Variants in PRKACB observed in about 807,000 individuals in gnomAD.
PRKACB encodes the protein cAMP-dependent protein kinase catalytic subunit beta.
PRKACB carries 16 observed loss-of-function variants against 51.4 expected under a neutral mutation model. That is an observed-to-expected ratio of 0.31 (90% CI 0.21 to 0.47). PRKACB has a LOEUF of 0.47. Ranked by LOEUF, PRKACB falls within the 20% of genes least tolerant of loss-of-function variation. The pLI, the probability that PRKACB is intolerant of heterozygous loss-of-function variation, is 1.00. For missense variants in PRKACB, 309 were observed against 464.5 expected, an observed-to-expected ratio of 0.67 and a Z score of 3.08; for synonymous variants, 147 against 154.4, an observed-to-expected ratio of 0.95 and a Z score of 0.35.
chr1:84,104,293 C>T (rs1649565721), intron 1 of PRKACB, among the ~76,000 whole-genome samples: 1 of 152,092 alleles, frequency 6.6e-6, no homozygotes, highest in South Asian at 2.1e-4. Context: ...TCCATGTTGC[C>T]ACAAATAACA....
At position 84,144,305 on chromosome 1, in the gene PRKACB, G is replaced by A; in HGVS notation, c.-57G>A. The A allele has an allele frequency of 6.3e-7, 1 of 1,585,940 alleles. No homozygotes were observed. Reference sequence around the variant, plus strand: ...GCTCTTAGCTTCTGTGTAAGAAGTTGTGAGCTCCTTCTGGAAACATTTGCA... The same window carrying A: ...GCTCTTAGCTTCTGTGTAAGAAGTTATGAGCTCCTTCTGGAAACATTTGCA... On this transcript the variant is annotated 5_prime_UTR_variant, in exon 1 of 10. In the 5' UTR this introduces an upstream ATG that the reference lacks. Transcript: ENST00000370685.
intron 1 of PRKACB, among the ~76,000 whole-genome samples, chr1:84,085,484 T>A (rs1342472051): frequency 6.6e-6 from 1 of 152,204 alleles, no homozygotes; most frequent in Non-Finnish European, 1.5e-5. Flanking sequence ...AGCTTTATAA[T>A]CCAATGCTTC....
At chr1:84,215,951 A>G (rs1672820085) in intron 9 of PRKACB, among the ~76,000 whole-genome samples, 1 of 152,112 alleles carries the variant, frequency 6.6e-6, no homozygotes, top group Non-Finnish European at 1.5e-5. Context: ...GTGCAACTAC[A>G]TGATTGAGTT....
At chr1:84,131,558 C>G (rs184102637) in intron 1 of PRKACB, among the ~76,000 whole-genome samples, 2 of 152,210 alleles carry the variant, frequency 1.3e-5, no homozygotes, top group Non-Finnish European at 2.9e-5. Flanking sequence ...CTAGAATCTA[C>G]CACTAGCATT....
rs905575496 is a variant in PRKACB, at chr1:84,112,225, C to CTTTTT, written c.46+33871_46+33875dup. Among the ~76,000 whole-genome samples, 1,111 of 119,878 alleles carry CTTTTT rather than the reference C, an allele frequency of 9.3e-3. 1 individual carries two copies. Among genetic ancestry groups the CTTTTT allele is most frequent in the East Asian group, 0.013 (51 of 4,012 alleles). The allele number at this position is 119,878 out of a possible 152,430, so 78.6% of individuals were successfully genotyped here. ...GATGGTGTCCTAAGTTGGACTGCTTCTTTTTTTTTTTTTTTTTTTTTGTTT... is the reference window on the plus strand; with the variant it reads ...GATGGTGTCCTAAGTTGGACTGCTTCTTTTTTTTTTTTTTTTTTTTTTTTTTGTTT... On this transcript the variant is annotated intron_variant, in intron 1 of 8. Transcript: ENST00000370688.
intron 7 of PRKACB, among the ~76,000 whole-genome samples, chr1:84,199,115 G>GCATATATATATATATATATA (rs1558242540): frequency 1.4e-4 from 13 of 96,006 alleles, no homozygotes; most frequent in Admixed American, 8.4e-4. Flanking sequence ...GTATATATAT[G>GCATATATATATATATATATA]CATATATATA....
In PRKACB at chr1:84,178,373, T is replaced by C. The variant is rs1662059644; in HGVS notation, c.188-804T>C. ...AAACATCTGAAGTTGTTTTCTAAGATAGCTTTTGAAAATGGGGAAAGTTTT... is the reference window on the plus strand; with the variant it reads ...AAACATCTGAAGTTGTTTTCTAAGACAGCTTTTGAAAATGGGGAAAGTTTT... On this transcript the variant is annotated intron_variant, in intron 1 of 9. Transcript: ENST00000370685. Among the ~76,000 whole-genome samples, 3 of 152,170 alleles carry C rather than the reference T, an allele frequency of 2.0e-5. No individual in the cohort carries two copies. In the South Asian group the frequency reaches 6.2e-4, roughly 32 times the overall value.
chr1:84,164,897 AGT>A (rs985998417), intron 1 of PRKACB: 818 of 1,476,118 alleles, frequency 5.5e-4, no homozygotes, highest in Non-Finnish European at 5.6e-4. Flanking sequence ...TGCATGCTCC[AGT>A]GTGTGTGTTT....
At chr1:84,135,657 A>G (rs576056811) in intron 1 of PRKACB, among the ~76,000 whole-genome samples, 114 of 152,276 alleles carry the variant, frequency 7.5e-4, no homozygotes, top group Non-Finnish European at 1.5e-3. Flanking sequence ...ACATATTTCT[A>G]AATAACACAT....
intron 8 of PRKACB, chr1:84,204,819 G>C (rs945798879): frequency 2.1e-5 from 20 of 958,004 alleles, no homozygotes; most frequent in Non-Finnish European, 2.3e-5. Context: ...CATTTATTAA[G>C]AAAAACTGCT....
rs144867427 is a variant in PRKACB, at chr1:84,164,071, A to G, written c.188-15106A>G. ...TTCTTTTGAATACCACATGGATGGC[A>G]TCTGACACTGTTTGTAATGCTGAAT... On this transcript the variant is annotated intron_variant, in intron 1 of 9. Coordinates refer to ENST00000370685, the MANE Select transcript of PRKACB (RefSeq NM_182948.4). Among the ~76,000 whole-genome samples, 262 of 152,194 alleles carry G rather than the reference A, an allele frequency of 1.7e-3. 2 individuals carry two copies. Among genetic ancestry groups the G allele is most frequent in the African/African-American group, 6.0e-3 (249 of 41,550 alleles).
intron 5 of PRKACB, among the ~76,000 whole-genome samples, chr1:84,189,269 G>A (rs1365076478): frequency 6.6e-6 from 1 of 151,600 alleles, no homozygotes; most frequent in South Asian, 2.1e-4. Context: ...AACAAGAAGA[G>A]GACTATCTTG....
intron 1 of PRKACB, among the ~76,000 whole-genome samples, chr1:84,178,187 C>A (rs193234255): frequency 6.6e-6 from 1 of 151,882 alleles, no homozygotes; most frequent in African/African-American, 2.4e-5. Context: ...AAAATAGGTA[C>A]CTATCTCACT....
intron 8 of PRKACB, among the ~76,000 whole-genome samples, chr1:84,208,057 A>G (rs1671605546): frequency 6.6e-6 from 1 of 151,984 alleles, no homozygotes; most frequent in African/African-American, 2.4e-5. Context: ...TAGTAGGGAC[A>G]GGGTTTCACC....
intron 9 of PRKACB, among the ~76,000 whole-genome samples, chr1:84,232,176 G>T (rs1007036502): frequency 1.3e-5 from 2 of 151,862 alleles, no homozygotes; most frequent in Admixed American, 1.3e-4. Flanking sequence ...ATTTCGTTAT[G>T]TACCCAGTAG....
At chr1:84,133,174 A>G (rs115996631) in intron 1 of PRKACB, among the ~76,000 whole-genome samples, 1,781 of 152,276 alleles carry the variant, frequency 0.012, 40 homozygotes, top group African/African-American at 0.039. Context: ...AGAACAGAAT[A>G]AGAATTATGG....
intron 1 of PRKACB, among the ~76,000 whole-genome samples, chr1:84,110,536 A>AT (rs1195656710): frequency 6.6e-6 from 1 of 151,624 alleles, no homozygotes; most frequent in East Asian, 1.9e-4. Flanking sequence ...CACTGCTTCC[A>AT]TTTTCTTACT....
At chr1:84,079,022 AT>A (rs1378878760) in intron 1 of PRKACB, among the ~76,000 whole-genome samples, 2 of 152,226 alleles carry the variant, frequency 1.3e-5, no homozygotes, top group African/African-American at 2.4e-5. Context: ...CTTAAAGGTC[AT>A]TCGGAGTTGA....
intron 1 of PRKACB, among the ~76,000 whole-genome samples, chr1:84,079,371 T>G (rs1477659858): frequency 1.3e-5 from 2 of 152,220 alleles, no homozygotes; most frequent in Non-Finnish European, 2.9e-5. Flanking sequence ...TGTGTAAATA[T>G]TACTTGTAAT....
Sources: allele counts gnomAD v4.1 joint callset (sites outside exome capture counted in the v4.1 genomes callset), GRCh38; gene constraint gnomAD v4.1.1; transcripts MANE v1.5; gene names NCBI Gene and HGNC (gene_info 2026-07-23, HGNC 2026-07-21).